The following KDM4B variants were observed in gnomAD, a reference collection of about 807,000 sequenced individuals.
KDM4B encodes lysine demethylase 4B, also known as lysine-specific demethylase 4B.
KDM4B carries 32 observed loss-of-function variants against 125.2 expected under a neutral mutation model. That is an observed-to-expected ratio of 0.26 (90% CI 0.19 to 0.34). The LOEUF (loss-of-function observed/expected upper bound fraction) is 0.34, where lower values mean the gene tolerates loss of function less well. KDM4B is among the 10% of genes least tolerant of loss of function. The pLI, the probability that KDM4B is intolerant of heterozygous loss-of-function variation, is 1.00. For missense variants in KDM4B, 1,190 were observed against 1,577.7 expected (o/e 0.75, Z 4.16); for synonymous variants, 721 against 677.9 (o/e 1.06, Z -0.99).
At chr19:5,100,600 G>A (rs2038911457) in intron 9 of KDM4B, among the ~76,000 whole-genome samples, 1 of 152,178 alleles carries the variant, frequency 6.6e-6, no homozygotes. Flanking sequence ...CTAATTTTTT[G>A]TAGAGATGGG....
chr19:5,144,824 G>C lies in KDM4B; in HGVS notation c.2943G>C (p.Glu981Asp), dbSNP rs2039813196. 3.7e-6 allele frequency: 6 copies of C among 1,613,330 alleles called. No homozygotes were observed. Among genetic ancestry groups the C allele is most frequent in the Non-Finnish European group, 5.1e-6 (6 of 1,179,852 alleles). Residue 981 changes from glutamate to aspartate, a missense_variant, in exon 21 of 23, where the codon GAG (glutamate) becomes GAC (aspartate). This residue lies in a region of KDM4B where 298 missense variants were observed against 439.7 expected (regional missense o/e 0.68). Coordinates refer to ENST00000159111, the MANE Select transcript of KDM4B (RefSeq NM_015015.3). Reference sequence around the variant, plus strand: ...AGCTGGGACCCCCTTCCGAGGGGGAGCTGGTGGAGCTCCGGTGGACTGACG... The same window carrying C: ...AGCTGGGACCCCCTTCCGAGGGGGACCTGGTGGAGCTCCGGTGGACTGACG... Reference protein sequence around the residue: ...CVQLGPPSEGELVELRWTDGN... With the variant: ...CVQLGPPSEGDLVELRWTDGN...
At chr19:5,034,968 A>G (rs1188542085) in intron 3 of KDM4B, among the ~76,000 whole-genome samples, 1 of 152,190 alleles carries the variant, frequency 6.6e-6, no homozygotes, top group Non-Finnish European at 1.5e-5. Flanking sequence ...CTGGGACCAC[A>G]GGTGTGCACC....
intron 11 of KDM4B, 25 bp downstream of exon 11, chr19:5,119,877 G>C: frequency 6.5e-7 from 1 of 1,543,006 alleles, no homozygotes; most frequent in Non-Finnish European, 8.7e-7. Context: ...GGCCAGGCCT[G>C]GCACCGCTGT....
chr19:5,103,103 G>A (rs944427337), intron 9 of KDM4B, among the ~76,000 whole-genome samples: 5 of 152,190 alleles, frequency 3.3e-5, no homozygotes, highest in Non-Finnish European at 5.9e-5. Context: ...CCTTTTGGAA[G>A]GCACTGCTGC....
intron 14 of KDM4B, among the ~76,000 whole-genome samples, chr19:5,134,694 C>T (rs1273596282): frequency 6.6e-6 from 1 of 152,236 alleles, no homozygotes; most frequent in Non-Finnish European, 1.5e-5. Context: ...CCATGCCAAG[C>T]ATGTCCAGGC....
At chr19:5,059,252 A>G (rs2037506547) in intron 6 of KDM4B, among the ~76,000 whole-genome samples, 1 of 152,218 alleles carries the variant, frequency 6.6e-6, no homozygotes, top group Non-Finnish European at 1.5e-5. Flanking sequence ...TCTTTGCTTA[A>G]AAATTGGGCA....
intron 1 of KDM4B, among the ~76,000 whole-genome samples, chr19:5,012,046 G>A (rs1416772072): frequency 1.3e-5 from 2 of 152,186 alleles, no homozygotes; most frequent in African/African-American, 2.4e-5. Context: ...GGGCGTTGTC[G>A]TCCGATGCCT....
intron 6 of KDM4B, among the ~76,000 whole-genome samples, chr19:5,055,146 C>T (rs879691369): frequency 2.0e-5 from 3 of 152,218 alleles, no homozygotes; most frequent in African/African-American, 4.8e-5. Context: ...CGATTGTGCC[C>T]CCAGGACAGG....
chr19:5,053,671 G>C (rs1043727116), intron 6 of KDM4B, among the ~76,000 whole-genome samples: 14 of 152,236 alleles, frequency 9.2e-5, no homozygotes, highest in Non-Finnish European at 1.6e-4. Context: ...ATCTGGGGAG[G>C]CTCTTGATGA....
At chr19:4,999,574 G>T (rs1391891698) in intron 1 of KDM4B, among the ~76,000 whole-genome samples, 1 of 152,102 alleles carries the variant, frequency 6.6e-6, no homozygotes, top group East Asian at 1.9e-4. Context: ...AAGTAGATGT[G>T]TGTACATCTT....
chr19:5,030,102 T>C (rs1184462592), intron 2 of KDM4B, among the ~76,000 whole-genome samples: 1 of 152,162 alleles, frequency 6.6e-6, no homozygotes, highest in Non-Finnish European at 1.5e-5. Context: ...CCCCCCTTTT[T>C]ATTATTTATT....
At chr19:5,026,685 A>T (rs1376210238) in intron 2 of KDM4B, among the ~76,000 whole-genome samples, 1 of 152,080 alleles carries the variant, frequency 6.6e-6, no homozygotes, top group Non-Finnish European at 1.5e-5. Context: ...GGGATGGGTC[A>T]GGGTGGGGTA....
At chr19:5,124,231 G>T (rs2146033035) in intron 11 of KDM4B, among the ~76,000 whole-genome samples, 1 of 152,102 alleles carries the variant, frequency 6.6e-6, no homozygotes, top group Non-Finnish European at 1.5e-5. Flanking sequence ...CCTGAGCTGG[G>T]ACACCGCCTT....
At chr19:5,066,893 C>A (rs900539134) in intron 6 of KDM4B, among the ~76,000 whole-genome samples, 3 of 152,184 alleles carry the variant, frequency 2.0e-5, no homozygotes, top group Non-Finnish European at 4.4e-5. Flanking sequence ...GAGATGGAGA[C>A]CCCGCTGGGG....
chr19:5,052,692 A>G (rs1344931416), intron 6 of KDM4B, among the ~76,000 whole-genome samples: 4 of 152,296 alleles, frequency 2.6e-5, no homozygotes, highest in South Asian at 2.1e-4. Context: ...GGGCCCCACA[A>G]TGGCCTCTGC....
At chr19:4,988,609 C>T (rs1403778367) in intron 1 of KDM4B, among the ~76,000 whole-genome samples, 1 of 152,134 alleles carries the variant, frequency 6.6e-6, no homozygotes, top group Non-Finnish European at 1.5e-5. Flanking sequence ...TTTGCTAATG[C>T]ACCTCTCAAA....
intron 1 of KDM4B, among the ~76,000 whole-genome samples, chr19:5,002,665 TA>T (rs879679139): frequency 1.5e-4 from 23 of 150,018 alleles, no homozygotes; most frequent in Middle Eastern, 3.4e-3. Context: ...CCTGGCTAAT[TA>T]AAAAAAATAG....
At chr19:4,991,343 G>A (rs947798297) in intron 1 of KDM4B, among the ~76,000 whole-genome samples, 1 of 151,710 alleles carries the variant, frequency 6.6e-6, no homozygotes, top group African/African-American at 2.4e-5. Context: ...GCTGGGTGTG[G>A]TGGCTCACAC....
At chr19:5,007,528 C>T (rs2035597374) in intron 1 of KDM4B, among the ~76,000 whole-genome samples, 1 of 144,952 alleles carries the variant, frequency 6.9e-6, no homozygotes, top group South Asian at 2.1e-4. Context: ...ATTGTCTTTT[C>T]ACTTTCTCTC....
Sources: allele counts gnomAD v4.1 joint callset (sites outside exome capture counted in the v4.1 genomes callset), GRCh38; gene constraint gnomAD v4.1.1; regional missense constraint gnomAD v4.1.1; transcripts MANE v1.5; gene names NCBI Gene and HGNC (gene_info 2026-07-23, HGNC 2026-07-21).